Variants in PCDHGA8 observed in about 807,000 individuals in gnomAD.
The protein encoded by PCDHGA8 is protocadherin gamma subfamily A, 8, also known as protocadherin gamma-A8.
Under a neutral mutation model 59.2 loss-of-function variants are expected in PCDHGA8, and 45 were observed. The observed-to-expected ratio is 0.76, with a 90% CI of 0.60 to 0.98. The LOEUF (loss-of-function observed/expected upper bound fraction) is 0.98. Among genes scored for constraint, PCDHGA8 ranks in the 50% least tolerant of loss-of-function variants. The pLI, the probability that PCDHGA8 is intolerant of heterozygous loss-of-function variation, is 0.00. For missense variants in PCDHGA8, 1,257 were observed against 1,196.2 expected, an observed-to-expected ratio of 1.05 and a Z score of -0.75; for synonymous variants, 531 against 519.0, an observed-to-expected ratio of 1.02 and a Z score of -0.32.
At chr5:141,450,364 T>G (rs2098678485) in intron 1 of PCDHGA8, among the ~76,000 whole-genome samples, 1 of 152,188 alleles carries the variant, frequency 6.6e-6, no homozygotes, top group Admixed American at 6.5e-5. Flanking sequence ...TCCTCAGCCT[T>G]GTTTGTTTAT....
intron 1 of PCDHGA8, among the ~76,000 whole-genome samples, chr5:141,457,968 G>A (rs919621979): frequency 6.6e-6 from 1 of 152,120 alleles, no homozygotes; most frequent in African/African-American, 2.4e-5. Context: ...TTCCTTAAAG[G>A]GAAACACACC....
chr5:141,403,100 A>G (rs1295654527), intron 1 of PCDHGA8: 5 of 1,613,992 alleles, frequency 3.1e-6, no homozygotes, highest in Non-Finnish European at 4.2e-6. Flanking sequence ...CAACATCTCC[A>G]AGGACCTGGC....
At chr5:141,403,868 A>T (rs2094463706) in intron 1 of PCDHGA8, 2 of 1,613,752 alleles carry the variant, frequency 1.2e-6, no homozygotes, top group Non-Finnish European at 1.7e-6. Context: ...AACAGCAAAA[A>T]GTCTAGATTA....
chr5:141,425,559 G>A (rs1180113940), intron 1 of PCDHGA8, among the ~76,000 whole-genome samples: 2 of 152,176 alleles, frequency 1.3e-5, no homozygotes, highest in East Asian at 3.9e-4. Context: ...TCTTTTATAA[G>A]TGATAAGAAG....
Position 141,393,472 on chromosome 5 carries a change from C to A in PCDHGA8, c.659C>A (p.Pro220Gln). 6.2e-7 allele frequency: 1 copy of A among 1,614,024 alleles called. No homozygotes were observed. The highest frequency in any genetic ancestry group is 8.5e-7 in the Non-Finnish European group (1 of 1,179,896). ...CTCACGGCCTCGGATGGCGGCAAGC[C>A]GCCTCGCTCTAGCACAGTGCGCATC... ...LVLTASDGGK[P>Q]PRSSTVRIHV... is the part of the protein sequence containing the mutation. The change falls in exon 1 of 4, where the codon CCG becomes CAG. Residue 220 changes from proline to glutamine, a missense_variant. Coordinates refer to ENST00000398604, the MANE Select transcript of PCDHGA8 (RefSeq NM_032088.2).
At chr5:141,420,076 TC>T (rs2096464805) in intron 1 of PCDHGA8, 2 of 1,613,956 alleles carry the variant, frequency 1.2e-6, no homozygotes, top group East Asian at 2.2e-5. Flanking sequence ...GACCTGTGGG[TC>T]CCCCCAACTA....
Position 141,490,479 on chromosome 5 carries a change from C to A in PCDHGA8, c.2425-4328C>A. 6.2e-7 allele frequency: 1 copy of A among 1,614,216 alleles called. No homozygotes were observed. Among genetic ancestry groups the A allele is most frequent in the South Asian group, 1.1e-5 (1 of 91,086 alleles). On this transcript the variant is annotated intron_variant, in intron 1 of 3. Transcript: ENST00000398604. The surrounding 1 kb of genome is among the most constrained non-coding windows in gnomAD (Gnocchi z 5.4). ...CGCTGCTAACCAGCCAGCCTTTGGA[C>A]CGGGAGGCCACATCCCACTATATCA...
In PCDHGA8 at chr5:141,489,610, C is replaced by A; in HGVS notation, c.2425-5197C>A. 6.2e-7 allele frequency: 1 copy of A among 1,614,090 alleles called. No individual in the cohort carries two copies. Among genetic ancestry groups the A allele is most frequent in the Non-Finnish European group, 8.5e-7 (1 of 1,179,990 alleles). ...GCTAATCCGTGTAGAGGTAGAGATCCTGGATCTCAATGACAACTCTCCTAG... is the reference window on the plus strand; with the variant it reads ...GCTAATCCGTGTAGAGGTAGAGATCATGGATCTCAATGACAACTCTCCTAG... On this transcript the variant is annotated intron_variant, in intron 1 of 3. Transcript: ENST00000398604. The surrounding 1 kb of genome is among the most constrained non-coding windows in gnomAD (Gnocchi z 4.5).
chr5:141,487,751 G>A lies in PCDHGA8; in HGVS notation c.2425-7056G>A. ...CACCATTTTTGTAAGAGGTAACTAT[G>A]TGGTAGACGCTGTGCTTTGTAACTG... On this transcript the variant is annotated intron_variant, in intron 1 of 3. Coordinates refer to ENST00000398604, the MANE Select transcript of PCDHGA8 (RefSeq NM_032088.2). This position sits in a 1 kb window ranked among gnomAD's most constrained non-coding sequence, Gnocchi z 5.0. 1 of 1,555,004 alleles carries A rather than the reference G, an allele frequency of 6.4e-7. No homozygotes were observed.
At position 141,409,894 on chromosome 5, in the gene PCDHGA8, C is replaced by A. The variant is rs1440813020; in HGVS notation, c.2424+14657C>A. The A allele has an allele frequency of 2.5e-6, 4 of 1,613,196 alleles. No homozygotes were observed. In the Admixed American group the frequency reaches 5.0e-5, roughly 20 times the overall value. ...ATGACAACGCACCGCGGGTGCTGTACCCAGCTCTGGGTCCTGACGGCTCCG... is the reference window on the plus strand; with the variant it reads ...ATGACAACGCACCGCGGGTGCTGTAACCAGCTCTGGGTCCTGACGGCTCCG... On this transcript the variant is annotated intron_variant, in intron 1 of 3. Transcript: ENST00000398604.
At chr5:141,422,480 G>A in intron 1 of PCDHGA8, 2 of 1,613,906 alleles carry the variant, frequency 1.2e-6, no homozygotes, top group South Asian at 2.2e-5. Flanking sequence ...TTGGTCCAGA[G>A]CTACAATATA....
At chr5:141,397,495 A>T (rs1346259397) in intron 1 of PCDHGA8, among the ~76,000 whole-genome samples, 2 of 152,226 alleles carry the variant, frequency 1.3e-5, no homozygotes, top group Non-Finnish European at 2.9e-5. Flanking sequence ...GAACAGAAGA[A>T]TGATAAAATT....
rs138542775 is a variant in PCDHGA8, at chr5:141,491,313, C to T, written c.2425-3494C>T. ...ACCCTCCTGAGCGTTCAGACCTTAC[C>T]CTTTACCTCATTGTGGCTCTAGCGA... On this transcript the variant is annotated intron_variant, in intron 1 of 3. Transcript: ENST00000398604. This position sits in a 1 kb window ranked among gnomAD's most constrained non-coding sequence, Gnocchi z 6.9. 405 of 1,614,154 alleles carry T rather than the reference C, an allele frequency of 2.5e-4. 2 individuals are homozygous for T. In the African/African-American group the frequency reaches 4.5e-3, roughly 18 times the overall value.
chr5:141,482,562 C>A (rs1030078543), intron 1 of PCDHGA8, among the ~76,000 whole-genome samples: 68 of 142,616 alleles, frequency 4.8e-4, no homozygotes, highest in African/African-American at 1.8e-3. Flanking sequence ...TAATGGAGAT[C>A]TGCATAGCAT....
At chr5:141,418,665 A>T in intron 1 of PCDHGA8, 1 of 1,614,070 alleles carries the variant, frequency 6.2e-7, no homozygotes, top group Non-Finnish European at 8.5e-7. Context: ...GCCACTGACC[A>T]GGACGAGGGC....
At chr5:141,480,695 C>T (rs2099523656) in intron 1 of PCDHGA8, among the ~76,000 whole-genome samples, 2 of 152,146 alleles carry the variant, frequency 1.3e-5, no homozygotes, top group African/African-American at 4.8e-5. Context: ...GAAACCCAGG[C>T]CACACCCCGA....
rs561359605 is a variant in PCDHGA8 at position 141,400,125 on chromosome 5, G to A, written c.2424+4888G>A. ...TGGTCTTTGCTGACAGCTTGCAGGA[G>A]GTGCTGCCGGATATCACTGACCGCC... On this transcript the variant is annotated intron_variant, in intron 1 of 3. Coordinates refer to ENST00000398604, the MANE Select transcript of PCDHGA8 (RefSeq NM_032088.2). The A allele has an allele frequency of 2.5e-4, 399 of 1,614,072 alleles. 3 individuals are homozygous for A. In the Admixed American group the frequency reaches 6.3e-3, roughly 26 times the overall value.
Position 141,431,364 on chromosome 5 carries a change from G to T in PCDHGA8, c.2424+36127G>T, listed in dbSNP as rs773688069. 3 of 1,613,892 alleles carry T rather than the reference G, an allele frequency of 1.9e-6. No individual in the cohort carries two copies. The East Asian group carries it at 6.7e-5, about 36-fold the overall frequency. ...TTGGTGCTGAAACGCGCCCTGGACC[G>T]CGAAGAAAAGGCTGCTCACCACCTG... On this transcript the variant is annotated intron_variant, in intron 1 of 3. Coordinates refer to ENST00000398604, the MANE Select transcript of PCDHGA8 (RefSeq NM_032088.2). The surrounding 1 kb of genome is among the most constrained non-coding windows in gnomAD (Gnocchi z 4.8).
intron 1 of PCDHGA8, among the ~76,000 whole-genome samples, chr5:141,445,751 G>T (rs1211416281): frequency 2.0e-5 from 3 of 152,102 alleles, no homozygotes; most frequent in Non-Finnish European, 4.4e-5. Context: ...AAAAATAAAA[G>T]GTGTGACTCA....
Sources: allele counts gnomAD v4.1 joint callset (sites outside exome capture counted in the v4.1 genomes callset), GRCh38; gene constraint gnomAD v4.1.1; non-coding constraint Gnocchi (gnomAD v3.1); transcripts MANE v1.5; gene names NCBI Gene and HGNC (gene_info 2026-07-23, HGNC 2026-07-21).